The following DSCAM variants were observed in gnomAD, a reference collection of about 807,000 sequenced individuals.
The protein encoded by DSCAM is cell adhesion molecule DSCAM.
In DSCAM, 47 loss-of-function variants were observed where a neutral mutation model predicts 217.7. The ratio of observed to expected loss-of-function variants is 0.22; its 90% CI spans 0.17 to 0.28. The LOEUF is 0.28. Among genes scored for constraint, DSCAM ranks in the 10% least tolerant of loss-of-function variants. DSCAM has a pLI of 1.00. For missense variants in DSCAM, 2,080 were observed against 2,618.3 expected, an observed-to-expected ratio of 0.79 and a Z score of 4.49; for synonymous variants, 1,056 against 1,015.3, an observed-to-expected ratio of 1.04 and a Z score of -0.76.
At chr21:40,751,713 T>C (rs184295293) in intron 1 of DSCAM, among the ~76,000 whole-genome samples, 100 of 152,256 alleles carry the variant, frequency 6.6e-4, no homozygotes, top group African/African-American at 2.2e-3. Context: ...GGGGACGTGA[T>C]TGGAGAGGAG....
chr21:40,677,914 G>A (rs1011751756), intron 3 of DSCAM, among the ~76,000 whole-genome samples: 16 of 152,150 alleles, frequency 1.1e-4, no homozygotes, highest in Admixed American at 5.2e-4. Flanking sequence ...AATTTCTGTC[G>A]TTTATAAGCC....
At chr21:40,170,675 C>T (rs2090647354) in intron 15 of DSCAM, among the ~76,000 whole-genome samples, 1 of 152,236 alleles carries the variant, frequency 6.6e-6, no homozygotes, top group South Asian at 2.1e-4. Flanking sequence ...TTCCCTCACA[C>T]ACAGATAATT....
At chr21:40,288,108 A>G (rs1468274385) in intron 10 of DSCAM, among the ~76,000 whole-genome samples, 1 of 152,234 alleles carries the variant, frequency 6.6e-6, no homozygotes, top group East Asian at 1.9e-4. Flanking sequence ...AGATGTGGAC[A>G]GCTACATAAG....
chr21:40,835,968 A>C (rs2092052511), intron 1 of DSCAM, among the ~76,000 whole-genome samples: 1 of 152,218 alleles, frequency 6.6e-6, no homozygotes, highest in East Asian at 1.9e-4. Flanking sequence ...CCTAAAAGAA[A>C]GCCAAGAACA....
At chr21:40,676,815 T>C (rs2090345239) in intron 3 of DSCAM, among the ~76,000 whole-genome samples, 1 of 152,232 alleles carries the variant, frequency 6.6e-6, no homozygotes, top group African/African-American at 2.4e-5. Flanking sequence ...TTTTAAAGTC[T>C]TGAATCCTAG....
intron 20 of DSCAM, among the ~76,000 whole-genome samples, chr21:40,110,031 C>T (rs538030269): frequency 3.2e-4 from 48 of 152,204 alleles, no homozygotes; most frequent in Non-Finnish European, 6.0e-4. Context: ...AACCTCTGAA[C>T]ACTTAAATGT....
chr21:40,635,915 A>C (rs1369289914), intron 3 of DSCAM, among the ~76,000 whole-genome samples: 2 of 152,174 alleles, frequency 1.3e-5, no homozygotes, highest in African/African-American at 4.8e-5. Flanking sequence ...AACTCCTAAA[A>C]ATTTTTCTTA....
At chr21:40,548,474 T>G (rs2076602106) in intron 3 of DSCAM, among the ~76,000 whole-genome samples, 3 of 150,338 alleles carry the variant, frequency 2.0e-5, no homozygotes, top group African/African-American at 7.4e-5. Context: ...ATCCTGGATG[T>G]AATTAATCTT....
chr21:40,792,137 CTTT>C (rs67838146), intron 1 of DSCAM, among the ~76,000 whole-genome samples: 9 of 118,594 alleles, frequency 7.6e-5, no homozygotes, highest in African/African-American at 3.0e-4. Flanking sequence ...TCTTCTTCTT[CTTT>C]TTTTTTTTTT....
At chr21:40,749,855 C>T (rs547571612) in intron 1 of DSCAM, among the ~76,000 whole-genome samples, 1 of 152,190 alleles carries the variant, frequency 6.6e-6, no homozygotes, top group South Asian at 2.1e-4. Flanking sequence ...GTATAAAGGG[C>T]GGCCTGTAAC....
At chr21:40,248,776 G>C (rs375217021) in intron 11 of DSCAM, among the ~76,000 whole-genome samples, 1 of 152,122 alleles carries the variant, frequency 6.6e-6, no homozygotes. Flanking sequence ...CCAATTTACT[G>C]TATTAGTCTG....
chr21:40,531,530 G>C (rs144910755), intron 3 of DSCAM, among the ~76,000 whole-genome samples: 2 of 152,160 alleles, frequency 1.3e-5, no homozygotes, highest in Admixed American at 1.3e-4. Flanking sequence ...CCCAGCTCCC[G>C]GCTCAGAGAG....
At position 40,016,120 on chromosome 21, in the gene DSCAM, G is replaced by A. The variant is rs1047658146; in HGVS notation, c.5687-2734C>T. 6.6e-6 allele frequency among the ~76,000 whole-genome samples: 1 copy of A among 152,146 alleles called. No homozygotes were observed. On this transcript the variant is annotated intron_variant, in intron 32 of 32. Transcript: ENST00000400454. This position sits in a 1 kb window ranked among gnomAD's most constrained non-coding sequence, Gnocchi z 4.3. ...GGCTGGTGGTGTGTGGTCCTGGAGC[G>A]AGGGCCCAGGGTAAAGGATGTGCAG...
intron 3 of DSCAM, among the ~76,000 whole-genome samples, chr21:40,468,345 A>C (rs565722084): frequency 1.8e-4 from 28 of 152,274 alleles, no homozygotes; most frequent in Non-Finnish European, 3.4e-4. Flanking sequence ...TTGGTTTGTA[A>C]TAAGAAACTA....
At chr21:40,511,940 G>A (rs941800987) in intron 3 of DSCAM, among the ~76,000 whole-genome samples, 9 of 131,748 alleles carry the variant, frequency 6.8e-5, no homozygotes, top group East Asian at 2.2e-4. Context: ...GCAGTGAGCC[G>A]AGATCGCGCC....
At chr21:40,452,945 T>C (rs559486922) in intron 3 of DSCAM, among the ~76,000 whole-genome samples, 6 of 152,246 alleles carry the variant, frequency 3.9e-5, no homozygotes, top group Admixed American at 3.3e-4. Context: ...AAGTTCAGAA[T>C]GGCATTTAAA....
chr21:40,405,929 A>G (rs2123785902), intron 3 of DSCAM, among the ~76,000 whole-genome samples: 1 of 152,280 alleles, frequency 6.6e-6, no homozygotes, highest in Admixed American at 6.5e-5. Flanking sequence ...CCTGGGAGGG[A>G]GCAGTTGCAG....
At chr21:40,789,902 C>G (rs2091625506) in intron 1 of DSCAM, among the ~76,000 whole-genome samples, 1 of 152,142 alleles carries the variant, frequency 6.6e-6, no homozygotes, top group Admixed American at 6.5e-5. Flanking sequence ...CCTCACAGGA[C>G]AGAATTCTAC....
chr21:40,737,059 G>A (rs948078059), intron 1 of DSCAM, among the ~76,000 whole-genome samples: 18 of 152,190 alleles, frequency 1.2e-4, no homozygotes, highest in Non-Finnish European at 2.2e-4. Context: ...TTGATGCTAC[G>A]GAACAAATAC....
Sources: gnomAD v4.1 joint callset for allele counts (sites outside exome capture counted in the v4.1 genomes callset) on GRCh38, gnomAD v4.1.1 for gene constraint, Gnocchi (gnomAD v3.1) non-coding constraint, MANE v1.5 for transcripts, NCBI Gene and HGNC (gene_info 2026-07-23, HGNC 2026-07-21) for gene names.